KMT2C: variants seen among roughly 807,000 people sequenced by gnomAD.
The protein encoded by KMT2C is lysine methyltransferase 2C.
KMT2C carries 88 observed loss-of-function variants against 507.9 expected under a neutral mutation model. The ratio of observed to expected loss-of-function variants is 0.17; its 90% CI spans 0.15 to 0.21. The LOEUF is 0.21. Among genes scored for constraint, KMT2C ranks in the 10% least tolerant of loss-of-function variants. KMT2C has a pLI of 1.00. For synonymous variants in KMT2C, 2,049 were observed against 2,080.8 expected, an observed-to-expected ratio of 0.98 and a Z score of 0.42; for missense variants, 4,954 against 5,957.8, an observed-to-expected ratio of 0.83 and a Z score of 5.55.
chr7:152,186,274 T>C lies in KMT2C; in HGVS notation c.5009-643A>G, dbSNP rs142424756. ...TTTAACACAGTATTTCATGAGGTTC[T>C]TGAATCACAAAGTAAAATTATTAAA... On this transcript the variant is annotated intron_variant, in intron 33 of 58. Transcript: ENST00000262189. Among the ~76,000 whole-genome samples, 68 of 152,342 alleles carry C rather than the reference T, an allele frequency of 4.5e-4. 1 individual carries two copies. Among genetic ancestry groups the C allele is most frequent in the Admixed American group, 1.9e-3 (29 of 15,296 alleles).
intron 1 of KMT2C, among the ~76,000 whole-genome samples, chr7:152,424,894 C>T (rs530991692): frequency 2.6e-5 from 4 of 152,244 alleles, no homozygotes; most frequent in East Asian, 1.9e-4. Flanking sequence ...GCTTCTTGCA[C>T]GGCAGCAACT....
At chr7:152,220,904 G>GAA (rs773084248) in intron 22 of KMT2C, among the ~76,000 whole-genome samples, 169 bp from the exon 23 acceptor site, 3 of 152,164 alleles carry the variant, frequency 2.0e-5, no homozygotes, top group African/African-American at 4.8e-5. Flanking sequence ...TAAAAACTAT[G>GAA]AACAATAGGT....
Position 152,162,754 on chromosome 7 carries a change from C to A in KMT2C, c.10823G>T (p.Arg3608Ile), listed in dbSNP as rs1191436723. 6.2e-7 allele frequency: 1 copy of A among 1,614,052 alleles called. No homozygotes were observed. The highest frequency in any genetic ancestry group is 1.3e-5 in the African/African-American group (1 of 74,924). Residue 3608 changes from arginine to isoleucine, a missense_variant, in exon 43 of 59, where the codon AGA becomes ATA. By Grantham distance (97) the Arg-to-Ile change is moderately conservative. Around this residue, in one of 29 missense-constraint regions of KMT2C, gnomAD observed 801 missense variants for 751.2 expected, o/e 1.07. Transcript: ENST00000262189. ...TGCATCATCATCTCTTTTCTTCTTT[C>A]TTGTTCTTTTCTTTTTCCCTTTTTC... ...PEEKGKKKRTRKKKRDDDAES... is the reference protein window; with the variant it reads ...PEEKGKKKRTIKKKRDDDAES...
At chr7:152,363,225 T>C (rs1404211798) in intron 1 of KMT2C, among the ~76,000 whole-genome samples, 1 of 152,240 alleles carries the variant, frequency 6.6e-6, no homozygotes, top group East Asian at 1.9e-4. Flanking sequence ...ATGAAGATTA[T>C]TTATTTTAAC....
chr7:152,271,056 T>G (rs1345679066), intron 7 of KMT2C, among the ~76,000 whole-genome samples: 1 of 152,148 alleles, frequency 6.6e-6, no homozygotes, highest in Admixed American at 6.6e-5. Context: ...AACTTAATCC[T>G]TAGATAGGAG....
chr7:152,425,242 C>T (rs1489130190), intron 1 of KMT2C, among the ~76,000 whole-genome samples: 2 of 152,060 alleles, frequency 1.3e-5, no homozygotes, highest in African/African-American at 4.8e-5. Flanking sequence ...ATTAATAGTT[C>T]TAATATTCTA....
In KMT2C at chr7:152,257,883, AC is replaced by A. The variant is rs71533556; in HGVS notation, c.1299+5132del. Among the ~76,000 whole-genome samples the A allele has an allele frequency of 2.8e-3, 423 of 151,086 alleles. 6 individuals carry two copies. Among genetic ancestry groups the A allele is most frequent in the Admixed American group, 0.015 (235 of 15,174 alleles). On this transcript the variant is annotated intron_variant, in intron 9 of 58. Transcript: ENST00000262189. Reference sequence around the variant, plus strand: ...CACACACGCACACACACACACACACACAAAAAAAACACCTCATAATGTTTTA... The same window carrying A: ...CACACACGCACACACACACACACACAAAAAAAAACACCTCATAATGTTTTA...
At chr7:152,388,807 G>A (rs2097459419) in intron 1 of KMT2C, among the ~76,000 whole-genome samples, 3 of 152,210 alleles carry the variant, frequency 2.0e-5, no homozygotes, top group Non-Finnish European at 2.9e-5. Context: ...GGAGTGCAAT[G>A]GCGTGATCTT....
intron 42 of KMT2C, among the ~76,000 whole-genome samples, chr7:152,165,117 G>A (rs181067794): frequency 6.6e-6 from 1 of 152,272 alleles, no homozygotes; most frequent in East Asian, 1.9e-4. Context: ...CAGTTTACTG[G>A]TTAGAACTGA....
intron 55 of KMT2C, among the ~76,000 whole-genome samples, chr7:152,143,801 T>G (rs539804177): frequency 6.6e-6 from 1 of 152,206 alleles, no homozygotes; most frequent in African/African-American, 2.4e-5. Flanking sequence ...GTAAAAGGGT[T>G]CCAACAAAGG....
rs2129106601 is a variant in KMT2C, at chr7:152,167,265, C to T, written c.9631G>A (p.Ala3211Thr). 1.2e-6 allele frequency: 2 copies of T among 1,613,976 alleles called. No homozygotes were observed. The highest frequency in any genetic ancestry group is 1.7e-6 in the Non-Finnish European group (2 of 1,179,962). ...QIGAHRKSKKALSAKQRTAKK... is the reference protein window; with the variant it reads ...QIGAHRKSKKTLSAKQRTAKK... Reference sequence around the variant, plus strand: ...GCAGTACGTTGTTTAGCTGAAAGGGCCTTCTTAGATTTTCTGTGAGCACCA... The same window carrying T: ...GCAGTACGTTGTTTAGCTGAAAGGGTCTTCTTAGATTTTCTGTGAGCACCA... Residue 3211 changes from alanine (A) to threonine (T), a missense_variant, in exon 42 of 59, where the codon GCC becomes ACC. Physicochemically the swap from Ala to Thr is moderately conservative, Grantham distance 58 (BLOSUM62 0). Transcript: ENST00000262189.
At chr7:152,391,140 T>TC (rs1446769372) in intron 1 of KMT2C, among the ~76,000 whole-genome samples, 2 of 3,664 alleles carry the variant, frequency 5.5e-4, no homozygotes, top group Non-Finnish European at 9.0e-4. Flanking sequence ...TGAGACTGTC[T>TC]CCAAAAAAAA....
At chr7:152,276,047 A>C (rs2096073815) in intron 6 of KMT2C, among the ~76,000 whole-genome samples, 1 of 152,206 alleles carries the variant, frequency 6.6e-6, no homozygotes, top group South Asian at 2.1e-4. Flanking sequence ...ATATTATATT[A>C]GCTAAACTAC....
chr7:152,189,307 G>T (rs2093720056), intron 31 of KMT2C, among the ~76,000 whole-genome samples: 1 of 152,014 alleles, frequency 6.6e-6, no homozygotes, highest in South Asian at 2.1e-4. Context: ...CCTTCAAAAA[G>T]CCCTCCCAAT....
At chr7:152,426,780 G>C (rs1455189096) in intron 1 of KMT2C, among the ~76,000 whole-genome samples, 1 of 152,052 alleles carries the variant, frequency 6.6e-6, no homozygotes, top group East Asian at 1.9e-4. Flanking sequence ...CTCTCTACAG[G>C]TGAGGCAACC....
intron 6 of KMT2C, among the ~76,000 whole-genome samples, chr7:152,291,702 A>T (rs2096430044): frequency 6.6e-6 from 1 of 152,256 alleles, no homozygotes; most frequent in African/African-American, 2.4e-5. Context: ...ACTGAACAGT[A>T]CTGGTAACAC....
rs192385720 is a variant in KMT2C at position 152,154,461 on chromosome 7, C to T, written c.11961-16G>A. On this transcript the variant is annotated splice_polypyrimidine_tract_variant and intron_variant, in intron 46 of 58. Transcript: ENST00000262189. ...ATCCTGTATCCTGAAAAAACATAAA[C>T]ACACACATCAAAGTCTGCAAATCCA... The T allele has an allele frequency of 8.1e-6, 13 of 1,608,436 alleles. No individual in the cohort carries two copies. The East Asian group carries it at 2.5e-4, about 30-fold the overall frequency.
intron 16 of KMT2C, 109 bp from the exon 17 acceptor site, chr7:152,230,430 T>C: frequency 1.9e-6 from 1 of 516,772 alleles, no homozygotes; most frequent in Non-Finnish European, 3.5e-6. Context: ...TTGGCTAAGG[T>C]CTAGAATAAC....
At chr7:152,258,042 G>C (rs2095691171) in intron 9 of KMT2C, among the ~76,000 whole-genome samples, 2 of 152,144 alleles carry the variant, frequency 1.3e-5, no homozygotes, top group African/African-American at 4.8e-5. Flanking sequence ...CCTGCTGAAA[G>C]GATGAAGAAG....
Sources: allele counts gnomAD v4.1 joint callset (sites outside exome capture counted in the v4.1 genomes callset), GRCh38; gene constraint gnomAD v4.1.1; regional missense constraint gnomAD v4.1.1; transcripts MANE v1.5; gene names NCBI Gene and HGNC (gene_info 2026-07-23, HGNC 2026-07-21).